NKIRAS1: variants seen among roughly 807,000 people sequenced by gnomAD.
The protein encoded by NKIRAS1 is NF-kappa-B inhibitor-interacting Ras-like protein 1.
A neutral mutation model predicts 19.8 loss-of-function variants in NKIRAS1; 16 were observed. The observed-to-expected ratio is 0.81, with a 90% CI of 0.55 to 1.23. The LOEUF (loss-of-function observed/expected upper bound fraction) is 1.23. NKIRAS1 is among the 50% of genes most tolerant of loss of function. The probability of loss-of-function intolerance (pLI) is 0.00; values close to 1 mark genes in which losing one functional copy is unlikely to be tolerated. For missense variants in NKIRAS1, 184 were observed against 220.0 expected (o/e 0.84, Z 1.04); for synonymous variants, 88 against 79.0 (o/e 1.11, Z -0.61).
At chr3:23,918,199 C>T (rs1012867288), upstream of NKIRAS1, 10 of 985,282 alleles carry the variant, frequency 1.0e-5, no homozygotes, top group African/African-American at 1.7e-4. Flanking sequence ...TCTAAAGTGG[C>T]AAGTGTGTCA....
chr3:23,917,834 C>G (rs1171257595), upstream of NKIRAS1: 3 of 1,602,542 alleles, frequency 1.9e-6, no homozygotes, highest in Non-Finnish European at 2.6e-6. Context: ...ATTTAATACA[C>G]AGTTTGATTT....
At chr3:23,940,602 T>C (rs867009123) in intron 1 of NKIRAS1, among the ~76,000 whole-genome samples, 1 of 152,194 alleles carries the variant, frequency 6.6e-6, no homozygotes. Context: ...TGGAATGTGT[T>C]TATTTGAATA....
chr3:23,898,667 A>G (rs1267336196), intron 4 of NKIRAS1, among the ~76,000 whole-genome samples: 1 of 152,032 alleles, frequency 6.6e-6, no homozygotes, highest in Non-Finnish European at 1.5e-5. Flanking sequence ...GCTGGACTCG[A>G]ACTCCTGACC....
intron 1 of NKIRAS1, among the ~76,000 whole-genome samples, chr3:23,942,362 C>A (rs1705516853): frequency 1.3e-5 from 2 of 152,140 alleles, no homozygotes; most frequent in South Asian, 4.1e-4. Context: ...AAACATCCTG[C>A]GACACGGTGG....
At chr3:23,925,408 C>T (rs566578022) in intron 1 of NKIRAS1, among the ~76,000 whole-genome samples, 98 of 152,142 alleles carry the variant, frequency 6.4e-4, no homozygotes, top group Non-Finnish European at 1.3e-3. Flanking sequence ...CCGAGGCAGG[C>T]GGATTGCTTG....
At position 23,910,762 on chromosome 3, in the gene NKIRAS1, CCT is replaced by C. The variant is rs748980541; in HGVS notation, c.94+47_94+48del. 9 of 1,383,014 alleles carry C rather than the reference CCT, an allele frequency of 6.5e-6. No homozygotes were observed. The Admixed American group carries it at 1.4e-4, about 21-fold the overall frequency. 85.7% of individuals were successfully genotyped at this position (1,383,014 alleles called of 1,614,324 possible). On this transcript the variant is annotated intron_variant, in intron 3 of 4. Coordinates refer to ENST00000425478, the MANE Select transcript of NKIRAS1 (RefSeq NM_020345.4). ...AGTTTAGCATGACCAACAAAAGACC[CCT>C]GATAGCTCCCAGAACCTAGAGACAA... is the stretch of plus-strand genomic sequence containing the variant.
At chr3:23,896,101 C>T (rs1226889475) in intron 4 of NKIRAS1, among the ~76,000 whole-genome samples, 1 of 129,010 alleles carries the variant, frequency 7.8e-6, no homozygotes, top group Non-Finnish European at 1.6e-5. Flanking sequence ...TGCCACTGCA[C>T]TCCAGCCTGG....
chr3:23,942,608 T>C (rs1705522539), intron 1 of NKIRAS1, among the ~76,000 whole-genome samples: 1 of 152,090 alleles, frequency 6.6e-6, no homozygotes, highest in African/African-American at 2.4e-5. Context: ...ATTTTGTATT[T>C]TTAGTAGAGA....
At chr3:23,901,179 CT>C (rs369838815) in intron 3 of NKIRAS1, 130 bp from the exon 4 acceptor site, 137,806 of 706,220 alleles carry the variant, frequency 0.2, 15 homozygotes, top group South Asian at 0.24. Context: ...TTCTATTTTA[CT>C]TTTTTTTTTT....
At chr3:23,914,454 G>C (rs893330916) in intron 1 of NKIRAS1, among the ~76,000 whole-genome samples, 1 of 152,144 alleles carries the variant, frequency 6.6e-6, no homozygotes, top group African/African-American at 2.4e-5. Flanking sequence ...ATTTACTTAT[G>C]TCAACATTAT....
intron 1 of NKIRAS1, chr3:23,916,053 A>G (rs954368624): frequency 7.9e-5 from 12 of 152,236 alleles, no homozygotes; most frequent in Non-Finnish European, 1.5e-4. Flanking sequence ...CACTTAATAA[A>G]TATTTGTTGA....
chr3:23,913,778 C>T (rs1390162542), intron 1 of NKIRAS1, among the ~76,000 whole-genome samples: 1 of 152,188 alleles, frequency 6.6e-6, no homozygotes, highest in Non-Finnish European at 1.5e-5. Context: ...TGAATGGGCA[C>T]TGAATCACAT....
In NKIRAS1 at chr3:23,946,125, C is replaced by T. The variant is rs1399363809; in HGVS notation, c.-140+198G>A. Reference sequence around the variant, plus strand: ...GGCAGTGACGTCGCCGCGATTCCCTCCTCCCCCGCGGGGTTGCACACTGCG... The same window carrying T: ...GGCAGTGACGTCGCCGCGATTCCCTTCTCCCCCGCGGGGTTGCACACTGCG... On this transcript the variant is annotated intron_variant, in intron 1 of 4. Transcript: ENST00000421515. 20 of 984,960 alleles carry T rather than the reference C, an allele frequency of 2.0e-5. No homozygotes were observed. In the Admixed American group the frequency reaches 8.0e-4, roughly 39 times the overall value. 61.0% of individuals were successfully genotyped at this position (984,960 alleles called of 1,614,324 possible).
chr3:23,915,860 A>T (rs1221552125), intron 1 of NKIRAS1: 1 of 152,230 alleles, frequency 6.6e-6, no homozygotes, highest in African/African-American at 2.4e-5. Flanking sequence ...ACTCCATTCC[A>T]AATTGCAACC....
intron 4 of NKIRAS1, among the ~76,000 whole-genome samples, chr3:23,899,046 T>C (rs549198096): frequency 9.6e-4 from 146 of 151,976 alleles, no homozygotes; most frequent in Non-Finnish European, 1.8e-3. Context: ...TGTGGAAAAA[T>C]TGTCATCCAC....
intron 1 of NKIRAS1, among the ~76,000 whole-genome samples, chr3:23,925,709 G>A (rs1320766359): frequency 6.6e-6 from 1 of 152,154 alleles, no homozygotes; most frequent in Non-Finnish European, 1.5e-5. Flanking sequence ...TACAGACAAT[G>A]CATTCCCTTA....
intron 1 of NKIRAS1, among the ~76,000 whole-genome samples, chr3:23,915,035 A>G (rs1212478152): frequency 6.6e-6 from 1 of 152,170 alleles, no homozygotes; most frequent in East Asian, 1.9e-4. Context: ...GGTCTCTCAA[A>G]GATATCGTAA....
intron 4 of NKIRAS1, among the ~76,000 whole-genome samples, chr3:23,898,682 G>T (rs2125369218): frequency 6.6e-6 from 1 of 152,276 alleles, no homozygotes. Flanking sequence ...CTGACCTCGT[G>T]ATCTGCCCAC....
At chr3:23,915,537 C>G (rs1469222497) in intron 1 of NKIRAS1, among the ~76,000 whole-genome samples, 1 of 152,164 alleles carries the variant, frequency 6.6e-6, no homozygotes, top group Non-Finnish European at 1.5e-5. Context: ...TTTTTCTCTC[C>G]TTTTAGCCTC....
Sources: allele counts gnomAD v4.1 joint callset (sites outside exome capture counted in the v4.1 genomes callset), GRCh38; gene constraint gnomAD v4.1.1; transcripts MANE v1.5; gene names NCBI Gene and HGNC (gene_info 2026-07-23, HGNC 2026-07-21).